The following CDH4 variants were observed in gnomAD, a reference collection of about 807,000 sequenced individuals.
CDH4 encodes the protein cadherin-4.
CDH4 carries 33 observed loss-of-function variants against 86.0 expected under a neutral mutation model. That is an observed-to-expected ratio of 0.38 (90% CI 0.29 to 0.51). The LOEUF (loss-of-function observed/expected upper bound fraction) is 0.51, where lower values mean the gene tolerates loss of function less well. Ranked by LOEUF, CDH4 falls within the 20% of genes least tolerant of loss-of-function variation. CDH4 has a pLI of 0.86. For synonymous variants in CDH4, 555 were observed against 549.4 expected (o/e 1.01, Z -0.14); for missense variants, 1,114 against 1,307.4 (o/e 0.85, Z 2.28).
intron 2 of CDH4, among the ~76,000 whole-genome samples, chr20:61,620,183 T>TGGGGGGGG (rs2086760650): frequency 4.9e-5 from 4 of 82,302 alleles, no homozygotes; most frequent in Non-Finnish European, 7.4e-5. Flanking sequence ...GATGGGTGGG[T>TGGGGGGGG]GGGTGGATGG....
chr20:61,464,523 A>G (rs2085462348), intron 2 of CDH4, among the ~76,000 whole-genome samples: 1 of 152,218 alleles, frequency 6.6e-6, no homozygotes, highest in Admixed American at 6.5e-5. Context: ...GGGATGAGAC[A>G]TCATCTTGCT....
At chr20:61,421,869 G>A (rs1352581601) in intron 2 of CDH4, among the ~76,000 whole-genome samples, 1 of 152,152 alleles carries the variant, frequency 6.6e-6, no homozygotes, top group Non-Finnish European at 1.5e-5. Context: ...CTCAACCCAT[G>A]CTCATGGACT....
At chr20:61,670,427 C>T (rs946141798) in intron 2 of CDH4, among the ~76,000 whole-genome samples, 1 of 152,216 alleles carries the variant, frequency 6.6e-6, no homozygotes, top group Middle Eastern at 3.2e-3. Flanking sequence ...GGGTCTAGGC[C>T]ATGGCCTCTG....
intron 4 of CDH4, among the ~76,000 whole-genome samples, chr20:61,796,939 C>T (rs1307504895): frequency 1.3e-5 from 2 of 152,278 alleles, no homozygotes; most frequent in Non-Finnish European, 1.5e-5. Flanking sequence ...GTGAGGCTCG[C>T]GTGCCCATGC....
At chr20:61,524,008 A>G (rs182857871) in intron 2 of CDH4, among the ~76,000 whole-genome samples, 124 of 152,356 alleles carry the variant, frequency 8.1e-4, no homozygotes, top group African/African-American at 2.9e-3. Flanking sequence ...TAAAAGACCC[A>G]GAAGCCACTT....
At chr20:61,832,659 A>G (rs533075011) in intron 4 of CDH4, among the ~76,000 whole-genome samples, 57 of 152,192 alleles carry the variant, frequency 3.7e-4, no homozygotes, top group African/African-American at 1.3e-3. Flanking sequence ...CGTGAGACTC[A>G]CTCACTCTCA....
At chr20:61,353,034 C>G in intron 2 of CDH4, among the ~76,000 whole-genome samples, 1 of 152,278 alleles carries the variant, frequency 6.6e-6, no homozygotes, top group Admixed American at 6.5e-5. Context: ...CCCATCTCCT[C>G]CCCTCCCCTC....
chr20:61,523,274 C>T (rs937298096), intron 2 of CDH4, among the ~76,000 whole-genome samples: 2 of 152,260 alleles, frequency 1.3e-5, no homozygotes, highest in South Asian at 2.1e-4. Flanking sequence ...CAGGCGACTC[C>T]GTCTTTGGGT....
chr20:61,547,819 A>G (rs1175016344), intron 2 of CDH4, among the ~76,000 whole-genome samples: 2 of 152,222 alleles, frequency 1.3e-5, no homozygotes, highest in Non-Finnish European at 2.9e-5. Flanking sequence ...ACATGTGTGC[A>G]TGCCTGCACA....
At chr20:61,756,960 A>T (rs529127104) in intron 3 of CDH4, among the ~76,000 whole-genome samples, 2 of 152,346 alleles carry the variant, frequency 1.3e-5, no homozygotes, top group East Asian at 1.9e-4. Context: ...TTCTCCCAAA[A>T]GGTGGCCCTC....
chr20:61,760,468 C>T (rs974076634), intron 3 of CDH4, among the ~76,000 whole-genome samples: 1 of 152,252 alleles, frequency 6.6e-6, no homozygotes, highest in African/African-American at 2.4e-5. Flanking sequence ...GCTGAGAGCC[C>T]AGGCTCCAGG....
chr20:61,287,011 A>G (rs1348208894), intron 2 of CDH4, among the ~76,000 whole-genome samples: 1 of 152,160 alleles, frequency 6.6e-6, no homozygotes, highest in Admixed American at 6.5e-5. Context: ...TCTCAGTGGG[A>G]CACGAATCCC....
At chr20:61,391,028 G>A (rs922036249) in intron 2 of CDH4, among the ~76,000 whole-genome samples, 4 of 152,188 alleles carry the variant, frequency 2.6e-5, no homozygotes, top group African/African-American at 4.8e-5. Flanking sequence ...AGGCAGTGCC[G>A]CAGTGGGGGG....
chr20:61,363,298 A>G (rs549876568), intron 2 of CDH4, among the ~76,000 whole-genome samples: 27 of 152,222 alleles, frequency 1.8e-4, no homozygotes, highest in Admixed American at 5.9e-4. Flanking sequence ...TTGAGCATCT[A>G]TTATCTGCCA....
rs182605150 is a variant in CDH4 at position 61,263,431 on chromosome 20, G to A, written c.169+8494G>A. Among the ~76,000 whole-genome samples the A allele has an allele frequency of 1.2e-4, 18 of 152,292 alleles. 1 individual carries two copies. In the East Asian group the frequency reaches 2.9e-3, roughly 25 times the overall value. The stretch of plus-strand genomic sequence containing the variant: ...CATTTTCCTGGCAACCCCCACATCA[G>A]GGGCCAGGAAGGAGGGGAGGAGCTG... On this transcript the variant is annotated intron_variant, in intron 2 of 15. Coordinates refer to ENST00000614565, the MANE Select transcript of CDH4 (RefSeq NM_001794.5).
chr20:61,558,691 G>A lies in CDH4; in HGVS notation c.170-184872G>A, dbSNP rs570359281. Among the ~76,000 whole-genome samples, 21 of 152,366 alleles carry A rather than the reference G, an allele frequency of 1.4e-4. 1 individual carries two copies. The South Asian group carries it at 4.3e-3, about 32-fold the overall frequency. On this transcript the variant is annotated intron_variant, in intron 2 of 15. Transcript: ENST00000614565. ...AGCACAAGAAAATGGTCCCAGGAGA[G>A]CTGCGAATAGCATCCCGTGCGTCCC...
intron 2 of CDH4, among the ~76,000 whole-genome samples, chr20:61,500,782 G>A (rs963783028): frequency 5.3e-5 from 8 of 152,170 alleles, no homozygotes; most frequent in African/African-American, 9.7e-5. Flanking sequence ...TATCGTTGGC[G>A]TGTCAAGTAC....
chr20:61,867,367 T>A (rs1267975650), intron 6 of CDH4, among the ~76,000 whole-genome samples: 1 of 152,126 alleles, frequency 6.6e-6, no homozygotes, highest in Non-Finnish European at 1.5e-5. Flanking sequence ...CTGACCAACA[T>A]GGAGAAACCC....
intron 2 of CDH4, among the ~76,000 whole-genome samples, chr20:61,350,719 C>CG (rs2084707294): frequency 6.6e-6 from 1 of 152,216 alleles, no homozygotes; most frequent in Non-Finnish European, 1.5e-5. Context: ...AGAGGCCCCC[C>CG]CCCAGTGCTA....
Sources: gnomAD v4.1 joint callset for allele counts (sites outside exome capture counted in the v4.1 genomes callset) on GRCh38, gnomAD v4.1.1 for gene constraint, MANE v1.5 for transcripts, NCBI Gene and HGNC (gene_info 2026-07-23, HGNC 2026-07-21) for gene names.